The following GLYATL2 variants were observed in gnomAD, a reference collection of about 807,000 sequenced individuals.
GLYATL2 encodes glycine N-acyltransferase-like protein 2.
In GLYATL2, 25 loss-of-function variants were observed where a neutral mutation model predicts 21.4. That is an observed-to-expected ratio of 1.17 (90% confidence interval 0.85 to 1.63). GLYATL2 has a LOEUF of 1.63. GLYATL2 is among the 40% of genes most tolerant of loss of function. The pLI is 0.00. For synonymous variants in GLYATL2, 114 were observed against 118.2 expected, an observed-to-expected ratio of 0.96 and a Z score of 0.23; for missense variants, 361 against 343.3, an observed-to-expected ratio of 1.05 and a Z score of -0.41.
At chr11:58,835,721 T>C (rs1853418053) in intron 5 of GLYATL2, among the ~76,000 whole-genome samples, 1 of 152,140 alleles carries the variant, frequency 6.6e-6, no homozygotes, top group Non-Finnish European at 1.5e-5. Flanking sequence ...CAAGTACCCT[T>C]TCCTGTACCC....
At chr11:58,892,808 G>A in intron 1 of GLYATL2, 1 of 322,578 alleles carries the variant, frequency 3.1e-6, no homozygotes, top group African/African-American at 2.2e-5. Context: ...AAGTAGGGAT[G>A]AGATAGGCCA....
At chr11:58,837,924 T>C in intron 3 of GLYATL2, among the ~76,000 whole-genome samples, 1 of 152,178 alleles carries the variant, frequency 6.6e-6, no homozygotes, top group East Asian at 1.9e-4. Context: ...CTGTTGACAC[T>C]TCCCCTTGGG....
chr11:58,875,450 G>T (rs1291416553), intron 1 of GLYATL2, among the ~76,000 whole-genome samples: 1 of 152,248 alleles, frequency 6.6e-6, no homozygotes, highest in South Asian at 2.1e-4. Context: ...TCCATGTTTA[G>T]TGCTTCCTTC....
At chr11:58,896,727 C>T (rs1030732707) in intron 1 of GLYATL2, among the ~76,000 whole-genome samples, 23 of 74,454 alleles carry the variant, frequency 3.1e-4, no homozygotes, top group Admixed American at 2.8e-3. Context: ...CAAACTTAAA[C>T]GTGTTTGTTT....
chr11:58,875,076 T>C (rs1466054780), intron 1 of GLYATL2, among the ~76,000 whole-genome samples: 5 of 152,352 alleles, frequency 3.3e-5, no homozygotes, highest in Non-Finnish European at 7.3e-5. Flanking sequence ...TCTTTGTTGG[T>C]TTAAAGTCTG....
rs1354362205 is a variant in GLYATL2 at position 58,838,365 on chromosome 11, A to G, written c.82T>C (p.Tyr28His). ...TCTTTTATGTTGAAAATGGCGCCAT[A>G]TACCTACGATGCAACAGAACAAAGC... Reference protein sequence around the residue: ...EKSIPESIKVYGAIFNIKDKN... With the variant: ...EKSIPESIKVHGAIFNIKDKN... Residue 28 changes from tyrosine (Y) to histidine (H), a missense_variant, in exon 3 of 6, where the codon TAT (tyrosine) becomes CAT (histidine). Tyr to His is a moderately conservative substitution (Grantham distance 83). Transcript: ENST00000287275. The G allele has an allele frequency of 1.3e-6, 2 of 1,597,206 alleles. No individual in the cohort carries two copies. Among genetic ancestry groups the G allele is most frequent in the Non-Finnish European group, 1.7e-6 (2 of 1,165,100 alleles).
At chr11:58,840,526 T>A (rs1395794892) in intron 1 of GLYATL2, among the ~76,000 whole-genome samples, 2 of 152,086 alleles carry the variant, frequency 1.3e-5, no homozygotes, top group East Asian at 1.9e-4. Flanking sequence ...GGAAAACATA[T>A]GATGTAATCC....
In GLYATL2 at chr11:58,839,648, A is replaced by G; in HGVS notation, c.-36T>C. ...ACTTCAGCTTCTTTCCCTCAAGAAG[A>G]TGATCTAAGGAAATAAACACAAAAA... is the stretch of plus-strand genomic sequence containing the variant. On this transcript the variant is annotated 5_prime_UTR_variant, in exon 2 of 6. Coordinates refer to ENST00000287275, the MANE Select transcript of GLYATL2 (RefSeq NM_145016.4). The G allele has an allele frequency of 6.7e-7, 1 of 1,490,992 alleles. No homozygotes were observed. The highest frequency in any genetic ancestry group is 9.3e-7 in the Non-Finnish European group (1 of 1,077,284). 92.4% of individuals were successfully genotyped at this position (1,490,992 alleles called of 1,614,324 possible). A position where few individuals can be genotyped will look rare whatever the true frequency, so the allele number is the denominator to read the frequency against.
chr11:58,865,255 A>G (rs768823956), intron 1 of GLYATL2, among the ~76,000 whole-genome samples: 1 of 148,922 alleles, frequency 6.7e-6, no homozygotes, highest in Non-Finnish European at 1.5e-5. Context: ...AATCTTCCAG[A>G]TTTTCTGATG....
At chr11:58,848,031 G>C (rs1200397736), upstream of GLYATL2, among the ~76,000 whole-genome samples, 2 of 140,338 alleles carry the variant, frequency 1.4e-5, no homozygotes, top group Non-Finnish European at 1.5e-5. Flanking sequence ...GAGAAAGTAA[G>C]GGAAGAAAAC....
Position 58,839,645 on chromosome 11 carries a change from A to G in GLYATL2, c.-33T>C. The G allele has an allele frequency of 6.7e-7, 1 of 1,500,582 alleles. No homozygotes were observed. The allele number at this position is 1,500,582 out of a possible 1,614,324, so 93.0% of individuals were successfully genotyped here. On this transcript the variant is annotated 5_prime_UTR_variant, in exon 2 of 6. Coordinates refer to ENST00000287275, the MANE Select transcript of GLYATL2 (RefSeq NM_145016.4). Reference sequence around the variant, plus strand: ...AGCACTTCAGCTTCTTTCCCTCAAGAAGATGATCTAAGGAAATAAACACAA... The same window carrying G: ...AGCACTTCAGCTTCTTTCCCTCAAGGAGATGATCTAAGGAAATAAACACAA...
At position 58,881,734 on chromosome 11, in the gene GLYATL2, G is replaced by A. The variant is rs181324669; in HGVS notation, n.60+22422C>T. Among the ~76,000 whole-genome samples the A allele has an allele frequency of 1.6e-3, 238 of 151,964 alleles. 1 individual carries two copies. The highest frequency in any genetic ancestry group is 4.9e-3 in the African/African-American group (203 of 41,424). ...TTATTTCTCTTAATGCCATCCCTCC[G>A]CCCTCCCTCCACCCCACGACAGGCC... is the stretch of plus-strand genomic sequence containing the variant. On this transcript the variant is annotated intron_variant and non_coding_transcript_variant, in intron 1 of 4. Coordinates refer to the GLYATL2 transcript ENST00000533636.
upstream of GLYATL2, among the ~76,000 whole-genome samples, chr11:58,846,012 A>AT (rs34496043): frequency 0.26 from 39,875 of 152,030 alleles, 5,745 homozygotes; most frequent in East Asian, 0.51. Context: ...CTATCAAAGA[A>AT]TTTTACATAT....
At chr11:58,854,829 G>A (rs1014182442) in intron 1 of GLYATL2, among the ~76,000 whole-genome samples, 3 of 152,092 alleles carry the variant, frequency 2.0e-5, no homozygotes, top group African/African-American at 7.2e-5. Flanking sequence ...TTTCAGCAAT[G>A]TTCACAAAAT....
intron 1 of GLYATL2, among the ~76,000 whole-genome samples, chr11:58,879,588 A>C (rs1297311800): frequency 1.3e-5 from 2 of 152,206 alleles, no homozygotes; most frequent in Admixed American, 1.3e-4. Flanking sequence ...AAAAGTATAA[A>C]TATTATAGGA....
At chr11:58,896,096 C>T (rs910012776) in intron 1 of GLYATL2, among the ~76,000 whole-genome samples, 2 of 152,142 alleles carry the variant, frequency 1.3e-5, no homozygotes, top group African/African-American at 2.4e-5. Context: ...ACCTTGTGAT[C>T]CACCCTCCGC....
At position 58,871,634 on chromosome 11, in the gene GLYATL2, T is replaced by C. The variant is rs566343550; in HGVS notation, n.60+32522A>G. On this transcript the variant is annotated intron_variant and non_coding_transcript_variant, in intron 1 of 4. Coordinates refer to the GLYATL2 transcript ENST00000533636. ...GAACTCATCCTTTTTTATGGCTGCATAGTATTCCATGGTGTATATGTGCCA... is the reference window on the plus strand; with the variant it reads ...GAACTCATCCTTTTTTATGGCTGCACAGTATTCCATGGTGTATATGTGCCA... 9.2e-3 allele frequency among the ~76,000 whole-genome samples: 1,406 copies of C among 152,258 alleles called. 8 individuals carry two copies. Among genetic ancestry groups the C allele is most frequent in the Non-Finnish European group, 0.015 (1,054 of 68,014 alleles).
intron 1 of GLYATL2, among the ~76,000 whole-genome samples, chr11:58,868,084 A>G (rs1052276705): frequency 6.7e-6 from 1 of 148,812 alleles, no homozygotes; most frequent in Non-Finnish European, 1.5e-5. Context: ...GAGCCTACAG[A>G]TGGGAGAGGA....
chr11:58,905,147 C>T (rs1854832170), upstream of GLYATL2, among the ~76,000 whole-genome samples: 1 of 152,212 alleles, frequency 6.6e-6, no homozygotes, highest in Non-Finnish European at 1.5e-5. Context: ...GGGTAAAGTT[C>T]CGCACCCAGT....
Sources: allele counts gnomAD v4.1 joint callset (sites outside exome capture counted in the v4.1 genomes callset), GRCh38; gene constraint gnomAD v4.1.1; transcripts MANE v1.5; gene names NCBI Gene and HGNC (gene_info 2026-07-23, HGNC 2026-07-21).